The following FSTL4 variants were observed in gnomAD, a reference collection of about 807,000 sequenced individuals.
The protein encoded by FSTL4 is follistatin-related protein 4.
FSTL4 carries 28 observed loss-of-function variants against 78.2 expected under a neutral mutation model. The ratio of observed to expected loss-of-function variants is 0.36; its 90% confidence interval spans 0.27 to 0.49. The LOEUF is 0.49. FSTL4 is among the 20% of genes least tolerant of loss of function. FSTL4 has a pLI of 0.98. For synonymous variants in FSTL4, 422 were observed against 440.5 expected, an observed-to-expected ratio of 0.96 and a Z score of 0.53; for missense variants, 922 against 1,084.9, an observed-to-expected ratio of 0.85 and a Z score of 2.11.
chr5:133,532,468 G>A (rs1222316116), intron 3 of FSTL4, among the ~76,000 whole-genome samples: 2 of 152,180 alleles, frequency 1.3e-5, no homozygotes, highest in Non-Finnish European at 2.9e-5. Context: ...TAGGCACACG[G>A]CAAAGCCTCT....
chr5:133,641,036 C>A, the FSTL4 span, among the ~76,000 whole-genome samples: 1 of 152,164 alleles, frequency 6.6e-6, no homozygotes, highest in East Asian at 1.9e-4. Context: ...GTGTACTGCA[C>A]TATTGAATGG....
the FSTL4 span, among the ~76,000 whole-genome samples, chr5:133,804,641 C>T: frequency 2.0e-5 from 3 of 152,296 alleles, no homozygotes; most frequent in East Asian, 1.9e-4. Flanking sequence ...CCCACTGTCA[C>T]CTGTGTGGAG....
At chr5:133,252,938 C>T (rs913835528) in intron 6 of FSTL4, among the ~76,000 whole-genome samples, 6 of 152,124 alleles carry the variant, frequency 3.9e-5, no homozygotes, top group African/African-American at 9.7e-5. Context: ...GTGCACTTTG[C>T]GCAGGAAAAA....
At chr5:133,620,510 C>T in the FSTL4 span, among the ~76,000 whole-genome samples, 16 of 152,274 alleles carry the variant, frequency 1.1e-4, no homozygotes, top group African/African-American at 3.6e-4. Flanking sequence ...GTAGACTTAA[C>T]ATTTTTTGCT....
chr5:133,770,302 T>C, the FSTL4 span, among the ~76,000 whole-genome samples: 3 of 152,186 alleles, frequency 2.0e-5, no homozygotes, highest in Admixed American at 1.3e-4. Flanking sequence ...GAAATCTCCA[T>C]ATTATTTCCC....
the FSTL4 span, among the ~76,000 whole-genome samples, chr5:133,654,700 G>A: frequency 6.6e-6 from 1 of 152,192 alleles, no homozygotes. Flanking sequence ...TGAGTTCAGA[G>A]CCATGGGGAT....
chr5:133,683,003 G>T, the FSTL4 span, among the ~76,000 whole-genome samples: 1 of 152,212 alleles, frequency 6.6e-6, no homozygotes, highest in Admixed American at 6.5e-5. Flanking sequence ...GATATCTTTG[G>T]AAGAAATATT....
At chr5:133,723,799 A>C in the FSTL4 span, among the ~76,000 whole-genome samples, 2 of 151,958 alleles carry the variant, frequency 1.3e-5, no homozygotes, top group African/African-American at 4.8e-5. Context: ...GAACCCAACT[A>C]CTCCAGTATG....
the FSTL4 span, among the ~76,000 whole-genome samples, chr5:133,751,595 C>T: frequency 6.6e-6 from 1 of 152,166 alleles, no homozygotes; most frequent in Non-Finnish European, 1.5e-5. Flanking sequence ...ATTAGAGAGA[C>T]AGATGCTCCC....
intron 13 of FSTL4, among the ~76,000 whole-genome samples, chr5:133,211,623 A>G (rs1159993933): frequency 6.6e-6 from 1 of 152,206 alleles, no homozygotes; most frequent in Non-Finnish European, 1.5e-5. Context: ...AAGTTTCTGA[A>G]TTCGTGCCGA....
chr5:133,306,141 G>A (rs1198825516), intron 6 of FSTL4, among the ~76,000 whole-genome samples: 1 of 152,256 alleles, frequency 6.6e-6, no homozygotes, highest in Non-Finnish European at 1.5e-5. Context: ...AAATTATTTA[G>A]AAGGTATGCA....
At chr5:133,390,571 C>T (rs562651092) in intron 4 of FSTL4, among the ~76,000 whole-genome samples, 1 of 152,354 alleles carries the variant, frequency 6.6e-6, no homozygotes, top group Non-Finnish European at 1.5e-5. Context: ...GGCTGGGCCC[C>T]AGCTTTCTGT....
chr5:133,675,732 C>T, the FSTL4 span, among the ~76,000 whole-genome samples: 31 of 152,282 alleles, frequency 2.0e-4, no homozygotes, highest in Non-Finnish European at 3.7e-4. Context: ...TGTGACCACC[C>T]TAAATTGACT....
At chr5:133,283,855 G>A (rs550171572) in intron 6 of FSTL4, among the ~76,000 whole-genome samples, 2 of 152,330 alleles carry the variant, frequency 1.3e-5, no homozygotes, top group African/African-American at 4.8e-5. Context: ...GCATGGCTGG[G>A]AGGCCTCAGG....
At chr5:133,811,893 T>C in the FSTL4 span, among the ~76,000 whole-genome samples, 1 of 152,220 alleles carries the variant, frequency 6.6e-6, no homozygotes, top group South Asian at 2.1e-4. Context: ...AAGACCCTCC[T>C]CCTTGTCTTC....
In FSTL4 at chr5:133,217,177, C is replaced by T. The variant is rs1750936172; in HGVS notation, c.1608+52G>A. ...ATGCAGAAAGCAAAGAAGAATGTGG[C>T]AGGCTGTGCCCCAGAATTTGAAGTT... On this transcript the variant is annotated intron_variant, in intron 13 of 15. Transcript: ENST00000265342. The T allele has an allele frequency of 5.3e-6, 8 of 1,501,328 alleles. No homozygotes were observed. In the South Asian group the frequency reaches 8.1e-5, roughly 15 times the overall value. 93.0% of individuals were successfully genotyped at this position (1,501,328 alleles called of 1,614,324 possible). A position where few individuals can be genotyped will look rare whatever the true frequency, so the allele number is the denominator to read the frequency against.
the FSTL4 span, among the ~76,000 whole-genome samples, chr5:133,725,771 A>G: frequency 6.6e-6 from 1 of 152,236 alleles, no homozygotes; most frequent in East Asian, 1.9e-4. Context: ...AGCTGTCTTC[A>G]TGACTCCAAA....
intron 3 of FSTL4, among the ~76,000 whole-genome samples, chr5:133,502,925 G>A (rs1301057374): frequency 2.0e-5 from 3 of 152,272 alleles, no homozygotes; most frequent in African/African-American, 7.2e-5. Flanking sequence ...AACTTTGTAA[G>A]TCCCTAAGCA....
chr5:133,741,063 AG>A, the FSTL4 span, among the ~76,000 whole-genome samples: 1 of 152,146 alleles, frequency 6.6e-6, no homozygotes, highest in African/African-American at 2.4e-5. Context: ...AAAGAGAGCA[AG>A]GGTAACCAGG....
Sources: allele counts gnomAD v4.1 joint callset (sites outside exome capture counted in the v4.1 genomes callset), GRCh38; gene constraint gnomAD v4.1.1; transcripts MANE v1.5; gene names NCBI Gene and HGNC (gene_info 2026-07-23, HGNC 2026-07-21).